The following EYA1 variants were observed in gnomAD, a reference collection of about 807,000 sequenced individuals.
EYA1 encodes protein phosphatase EYA1.
In EYA1, 16 loss-of-function variants were observed where a neutral mutation model predicts 82.0. That is an observed-to-expected ratio of 0.20 (90% CI 0.13 to 0.30). The LOEUF (loss-of-function observed/expected upper bound fraction) is 0.30, where lower values mean the gene tolerates loss of function less well. Ranked by LOEUF, EYA1 falls within the 10% of genes least tolerant of loss-of-function variation. The pLI is 1.00. For missense variants in EYA1, 633 were observed against 730.7 expected (o/e 0.87, Z 1.54); for synonymous variants, 261 against 264.4 (o/e 0.99, Z 0.12).
At chr8:71,537,718 G>T (rs1814817657) in intron 1 of EYA1, among the ~76,000 whole-genome samples, 1 of 151,958 alleles carries the variant, frequency 6.6e-6, no homozygotes, top group South Asian at 2.1e-4. Flanking sequence ...TTGTGAACAC[G>T]TTTCAATCAA....
At chr8:71,412,527 C>A (rs7818686) in intron 2 of EYA1, among the ~76,000 whole-genome samples, 1 of 152,158 alleles carries the variant, frequency 6.6e-6, no homozygotes, top group East Asian at 1.9e-4. Flanking sequence ...TACTGAGATG[C>A]TTATGGATAA....
chr8:71,417,106 G>A lies in EYA1; in HGVS notation c.34-60595C>T, dbSNP rs183461200. On this transcript the variant is annotated intron_variant, in intron 2 of 18. Transcript: ENST00000643681. ...TGGATGCTTCTTGCCCTTGAATATC[G>A]GACTCCAGATTCTTCAGCTTTGGGA... Among the ~76,000 whole-genome samples the A allele has an allele frequency of 6.6e-4, 101 of 152,178 alleles. 1 individual carries two copies. The highest frequency in any genetic ancestry group is 2.6e-3 in the Admixed American group (39 of 15,290).
chr8:71,528,901 C>A (rs1474471145), intron 2 of EYA1, among the ~76,000 whole-genome samples: 3 of 152,192 alleles, frequency 2.0e-5, no homozygotes, highest in African/African-American at 7.2e-5. Flanking sequence ...AAGGCTCAAG[C>A]AGATGTGTCT....
Position 71,244,469 on chromosome 8 carries a change from A to C in EYA1, c.1140+134T>G, listed in dbSNP as rs1031568965. 6 of 604,662 alleles carry C rather than the reference A, an allele frequency of 9.9e-6. No individual in the cohort carries two copies. In the Admixed American group the frequency reaches 1.3e-4, roughly 13 times the overall value. 37.5% of individuals were successfully genotyped at this position (604,662 alleles called of 1,614,324 possible). On this transcript the variant is annotated intron_variant, in intron 12 of 17. Transcript: ENST00000340726. ...AATAGAAATCCCATAAAGGCAAAAC[A>C]CATTGCCATATTACCAACAAACCTC...
chr8:71,206,089 T>C (rs770296186), intron 17 of EYA1, among the ~76,000 whole-genome samples: 15 of 152,204 alleles, frequency 9.9e-5, no homozygotes, highest in Non-Finnish European at 1.6e-4. Context: ...AAGACACTTA[T>C]ATAGTTATAT....
At chr8:71,465,605 G>C (rs1808714291) in intron 2 of EYA1, among the ~76,000 whole-genome samples, 1 of 152,108 alleles carries the variant, frequency 6.6e-6, no homozygotes, top group African/African-American at 2.4e-5. Flanking sequence ...CTGGGCAACA[G>C]AGCAAGACTC....
chr8:71,392,267 C>G (rs1357231846), intron 2 of EYA1, among the ~76,000 whole-genome samples: 1 of 152,152 alleles, frequency 6.6e-6, no homozygotes. Flanking sequence ...TACCCCCGCA[C>G]CCTTTGGCTT....
In EYA1 at chr8:71,428,937, A is replaced by T. The variant is rs1360623238; in HGVS notation, c.34-72426T>A. 2.6e-5 allele frequency among the ~76,000 whole-genome samples: 4 copies of T among 152,254 alleles called. No individual in the cohort carries two copies. In the East Asian group the frequency reaches 7.7e-4, roughly 29 times the overall value. ...GTTTATTTTCAACAATTATTCAAGT[A>T]GGCTTCATTGAACCTGAATACCCCA... is the stretch of plus-strand genomic sequence containing the variant. On this transcript the variant is annotated intron_variant, in intron 2 of 18. Transcript: ENST00000643681.
intron 2 of EYA1, among the ~76,000 whole-genome samples, chr8:71,429,801 T>C (rs1192519088): frequency 6.6e-6 from 1 of 152,148 alleles, no homozygotes; most frequent in Non-Finnish European, 1.5e-5. Context: ...AGCACTATGA[T>C]TATATTATTC....
intron 2 of EYA1, among the ~76,000 whole-genome samples, chr8:71,431,756 C>T (rs895691543): frequency 6.6e-6 from 1 of 152,176 alleles, no homozygotes; most frequent in Admixed American, 6.5e-5. Flanking sequence ...ATCCTCTTTA[C>T]ACAATCCCCC....
At chr8:71,300,361 C>T (rs777587879) in intron 7 of EYA1, among the ~76,000 whole-genome samples, 1 of 152,144 alleles carries the variant, frequency 6.6e-6, no homozygotes, top group Non-Finnish European at 1.5e-5. Context: ...AGATACAACA[C>T]CTGAGCAAAG....
At chr8:71,421,135 G>A (rs564371657) in intron 2 of EYA1, among the ~76,000 whole-genome samples, 10 of 152,260 alleles carry the variant, frequency 6.6e-5, no homozygotes, top group African/African-American at 2.4e-4. Context: ...GAAAAACCTT[G>A]TTTACAGGGA....
intron 2 of EYA1, among the ~76,000 whole-genome samples, chr8:71,465,370 C>T (rs1808700206): frequency 6.6e-6 from 1 of 152,158 alleles, no homozygotes; most frequent in African/African-American, 2.4e-5. Context: ...CACCTATAAT[C>T]CCAGCACTTT....
chr8:71,466,875 A>T (rs977020354), intron 2 of EYA1, among the ~76,000 whole-genome samples: 1 of 152,134 alleles, frequency 6.6e-6, no homozygotes, highest in South Asian at 2.1e-4. Flanking sequence ...TCTTCTTACC[A>T]CTGGGGTTTG....
chr8:71,513,782 T>C (rs572903524), intron 2 of EYA1, among the ~76,000 whole-genome samples: 51 of 152,204 alleles, frequency 3.4e-4, no homozygotes, highest in African/African-American at 1.2e-3. Context: ...CCTTCTACTC[T>C]ATGATGTCCT....
At chr8:71,465,859 A>T (rs1808734293) in intron 2 of EYA1, among the ~76,000 whole-genome samples, 1 of 151,848 alleles carries the variant, frequency 6.6e-6, no homozygotes, top group African/African-American at 2.4e-5. Flanking sequence ...AAAGTTAAAA[A>T]TAACTATATT....
chr8:71,296,683 T>C (rs1252439337), intron 9 of EYA1, among the ~76,000 whole-genome samples: 1 of 152,022 alleles, frequency 6.6e-6, no homozygotes, highest in Non-Finnish European at 1.5e-5. Flanking sequence ...TTCATTATTT[T>C]AACAATGTAA....
chr8:71,488,886 C>T (rs2129222179), intron 2 of EYA1, among the ~76,000 whole-genome samples: 1 of 152,348 alleles, frequency 6.6e-6, no homozygotes, highest in East Asian at 1.9e-4. Context: ...TTCAACTGCA[C>T]TGCATCCCTT....
intron 2 of EYA1, among the ~76,000 whole-genome samples, chr8:71,508,664 A>T (rs1278822134): frequency 6.6e-6 from 1 of 152,148 alleles, no homozygotes; most frequent in Non-Finnish European, 1.5e-5. Context: ...ACACAGTTTG[A>T]AGGCACCATC....
Sources: allele counts gnomAD v4.1 joint callset (sites outside exome capture counted in the v4.1 genomes callset), GRCh38; gene constraint gnomAD v4.1.1; transcripts MANE v1.5; gene names NCBI Gene and HGNC (gene_info 2026-07-23, HGNC 2026-07-21).